The following OPCML variants were observed in gnomAD, a reference collection of about 807,000 sequenced individuals.
OPCML encodes opioid binding protein/cell adhesion molecule like.
In OPCML, 13 loss-of-function variants were observed where a neutral mutation model predicts 37.8. That is an observed-to-expected ratio of 0.34 (90% CI 0.22 to 0.55). The LOEUF (loss-of-function observed/expected upper bound fraction) is 0.55, where lower values mean the gene tolerates loss of function less well. Among genes scored for constraint, OPCML ranks in the 20% least tolerant of loss-of-function variants. OPCML has a pLI of 0.91. For synonymous variants in OPCML, 176 were observed against 168.8 expected (o/e 1.04, Z -0.33); for missense variants, 341 against 435.6 (o/e 0.78, Z 1.93).
chr11:132,459,087 T>C (rs1188953225), intron 4 of OPCML, among the ~76,000 whole-genome samples: 3 of 152,176 alleles, frequency 2.0e-5, no homozygotes. Flanking sequence ...ATCATACAAT[T>C]CACTGAGGGC....
intron 2 of OPCML, among the ~76,000 whole-genome samples, chr11:132,687,452 C>T (rs1048889745): frequency 2.4e-5 from 3 of 123,202 alleles, no homozygotes; most frequent in Non-Finnish European, 3.2e-5. Flanking sequence ...GCAAGAAGTG[C>T]TGTAGCATTG....
chr11:133,099,023 A>G (rs1949046542), intron 1 of OPCML, among the ~76,000 whole-genome samples: 1 of 152,300 alleles, frequency 6.6e-6, no homozygotes, highest in African/African-American at 2.4e-5. Flanking sequence ...TTTCCTATAT[A>G]CCGGCAATGA....
intron 1 of OPCML, among the ~76,000 whole-genome samples, chr11:133,287,647 G>A (rs1267705206): frequency 6.6e-6 from 1 of 152,116 alleles, no homozygotes; most frequent in African/African-American, 2.4e-5. Flanking sequence ...CTGGGGCAGG[G>A]GCTCCCAGCA....
chr11:133,247,644 C>T (rs1592139177), intron 1 of OPCML, among the ~76,000 whole-genome samples: 1 of 138,246 alleles, frequency 7.2e-6, no homozygotes, highest in Non-Finnish European at 1.6e-5. Context: ...CACTCTATTG[C>T]CCAGGCTAGA....
chr11:132,593,008 G>A (rs2096486969), intron 3 of OPCML, among the ~76,000 whole-genome samples: 1 of 152,194 alleles, frequency 6.6e-6, no homozygotes, highest in African/African-American at 2.4e-5. Flanking sequence ...TGGAAAAAAA[G>A]CACTGGAAGA....
At chr11:132,534,181 G>C (rs1274141353) in intron 3 of OPCML, among the ~76,000 whole-genome samples, 1 of 152,026 alleles carries the variant, frequency 6.6e-6, no homozygotes, top group African/African-American at 2.4e-5. Context: ...CGTCCTCAGA[G>C]AAGTCTTTGC....
intron 1 of OPCML, chr11:133,420,340 C>G: frequency 1.0e-6 from 1 of 985,386 alleles, no homozygotes; most frequent in Non-Finnish European, 1.2e-6. Flanking sequence ...TTTTAGATAT[C>G]CTTTGCTGTT....
At chr11:132,678,730 G>T (rs1314146275) in intron 2 of OPCML, among the ~76,000 whole-genome samples, 2 of 152,212 alleles carry the variant, frequency 1.3e-5, no homozygotes, top group Admixed American at 6.5e-5. Flanking sequence ...GGTTGGGCGA[G>T]GGAGAGGTGA....
intron 1 of OPCML, among the ~76,000 whole-genome samples, chr11:132,952,996 A>C (rs1945894744): frequency 6.6e-6 from 1 of 152,242 alleles, no homozygotes; most frequent in African/African-American, 2.4e-5. Flanking sequence ...AAGGCATGTA[A>C]GATTTACACT....
intron 4 of OPCML, among the ~76,000 whole-genome samples, chr11:132,525,465 ATT>A (rs554091870): frequency 1.3e-3 from 205 of 152,346 alleles, no homozygotes; most frequent in African/African-American, 4.7e-3. Flanking sequence ...TCCTACTGGA[ATT>A]TGAAAGAAAA....
intron 4 of OPCML, among the ~76,000 whole-genome samples, chr11:132,462,340 A>G (rs931759217): frequency 5.9e-5 from 9 of 152,146 alleles, no homozygotes; most frequent in Non-Finnish European, 8.8e-5. Context: ...GATGTGTGCC[A>G]TTTCCACACC....
intron 3 of OPCML, among the ~76,000 whole-genome samples, chr11:132,594,445 G>T (rs1000594195): frequency 6.6e-6 from 1 of 151,878 alleles, no homozygotes; most frequent in Non-Finnish European, 1.5e-5. Flanking sequence ...ATGAGATAAT[G>T]GAGTAATAGT....
intron 1 of OPCML, among the ~76,000 whole-genome samples, chr11:133,058,842 G>A (rs920736427): frequency 6.6e-5 from 10 of 152,222 alleles, no homozygotes; most frequent in Non-Finnish European, 1.0e-4. Context: ...ACAGTCAATA[G>A]ATAGAAGTAA....
intron 1 of OPCML, among the ~76,000 whole-genome samples, chr11:133,040,262 C>T (rs1428505709): frequency 2.0e-5 from 3 of 152,166 alleles, no homozygotes; most frequent in African/African-American, 7.2e-5. Flanking sequence ...CCTCCCACTG[C>T]ACGACTGAGC....
intron 1 of OPCML, among the ~76,000 whole-genome samples, chr11:133,306,868 A>G (rs1032289640): frequency 1.3e-5 from 2 of 152,178 alleles, no homozygotes; most frequent in African/African-American, 4.8e-5. Flanking sequence ...TTCTGGTTTT[A>G]TCCTTAACCA....
intron 2 of OPCML, among the ~76,000 whole-genome samples, chr11:132,757,529 A>T (rs1467567796): frequency 6.6e-6 from 1 of 151,968 alleles, no homozygotes; most frequent in African/African-American, 2.4e-5. Context: ...TGTGGTTTTG[A>T]TTTGCGTTTC....
chr11:133,285,900 G>A (rs1217299900), intron 1 of OPCML, among the ~76,000 whole-genome samples: 1 of 152,162 alleles, frequency 6.6e-6, no homozygotes, highest in Non-Finnish European at 1.5e-5. Flanking sequence ...CTGCCTGGTA[G>A]GAGTTGACTG....
intron 2 of OPCML, among the ~76,000 whole-genome samples, chr11:132,850,449 A>G (rs1048233398): frequency 2.0e-5 from 3 of 152,126 alleles, no homozygotes; most frequent in Non-Finnish European, 4.4e-5. Flanking sequence ...ACAAGAATCA[A>G]TTAGGGCCAG....
intron 1 of OPCML, among the ~76,000 whole-genome samples, chr11:133,340,480 A>G (rs1369755798): frequency 6.6e-6 from 1 of 151,506 alleles, no homozygotes; most frequent in Non-Finnish European, 1.5e-5. Context: ...TGATCCCTAT[A>G]TAACTATTCT....
Sources: gnomAD v4.1 joint callset for allele counts (sites outside exome capture counted in the v4.1 genomes callset) on GRCh38, gnomAD v4.1.1 for gene constraint, MANE v1.5 for transcripts, NCBI Gene and HGNC (gene_info 2026-07-23, HGNC 2026-07-21) for gene names.